Variants in PNPLA2 observed in about 807,000 individuals in gnomAD.
PNPLA2 encodes the protein patatin-like phospholipase domain-containing protein 2.
A neutral mutation model predicts 39.7 loss-of-function variants in PNPLA2; 28 were observed. That is an observed-to-expected ratio of 0.70 (90% CI 0.52 to 0.97). The LOEUF is 0.97. Among genes scored for constraint, PNPLA2 ranks in the 50% least tolerant of loss-of-function variants. PNPLA2 has a pLI of 0.00. For synonymous variants in PNPLA2, 392 were observed against 321.1 expected (o/e 1.22, Z -2.36); for missense variants, 768 against 698.2 (o/e 1.10, Z -1.13).
At chr11:820,215 G>A (rs923876570) in intron 2 of PNPLA2, among the ~76,000 whole-genome samples, 3 of 152,254 alleles carry the variant, frequency 2.0e-5, no homozygotes, top group Admixed American at 1.3e-4. Flanking sequence ...GTGAGAATCC[G>A]AGGAGGGACC....
Position 821,654 on chromosome 11 carries a change from G to A in PNPLA2, c.214G>A (p.Val72Ile), listed in dbSNP as rs749694763. The change falls in exon 3 of 10, where the codon GTA becomes ATA. Residue 72 changes from valine (V) to isoleucine (I), a missense_variant. Val to Ile is a conservative substitution (Grantham distance 29). Transcript: ENST00000336615. The stretch of plus-strand genomic sequence containing the variant: ...TGAGGCTGGTGCCAAGTTCATTGAG[G>A]TATCTAAAGAGGCCCGGAAGCGGTT... The part of the protein sequence containing the change: ...LGEAGAKFIE[V>I]SKEARKRFLG... 5.6e-6 allele frequency: 9 copies of A among 1,613,792 alleles called. No individual in the cohort carries two copies. Among genetic ancestry groups the A allele is most frequent in the Admixed American group, 1.7e-5 (1 of 60,028 alleles).
In PNPLA2 at chr11:823,873, G is replaced by GGGAGGGGA. The variant is rs1565089205; in HGVS notation, c.919+29_919+36dup. 1.3e-6 allele frequency: 2 copies of GGGAGGGGA among 1,571,374 alleles called. No homozygotes were observed. The highest frequency in any genetic ancestry group is 2.3e-5 in the East Asian group (1 of 42,810). On this transcript the variant is annotated intron_variant, in intron 7 of 9. Transcript: ENST00000336615. ...CAATGAGGGTGCGCACCTGGGGGAC[G>GGGAGGGGA]GGAGGGGAGGAGGGGAGGCAGGAGG...
At chr11:819,936 G>A (rs1554975345) in intron 2 of PNPLA2, 31 bp downstream of exon 2, 1 of 1,322,586 alleles carries the variant, frequency 7.6e-7, no homozygotes, top group Admixed American at 4.1e-5. Flanking sequence ...CAGGCGGGGG[G>A]CTGGCGGGAA....
In PNPLA2 at chr11:824,760, C is replaced by G. The variant is rs540018341; in HGVS notation, c.1413C>G (p.Pro471=). 2.6e-6 allele frequency: 4 copies of G among 1,557,824 alleles called. No individual in the cohort carries two copies. Among genetic ancestry groups the G allele is most frequent in the Non-Finnish European group, 3.5e-6 (4 of 1,158,978 alleles). The change falls in exon 10 of 10, where the codon CCC becomes CCG. Residue 471 remains proline, a synonymous_variant. Coordinates refer to ENST00000336615, the MANE Select transcript of PNPLA2 (RefSeq NM_020376.4). ...MRAPADPAPA[P]ADPASPQHQL... ...CACCCGCCGACCCGGCTCCCGCCCCCGCGGACCCAGCATCCCCGCAGCACC... is the reference window on the plus strand; with the variant it reads ...CACCCGCCGACCCGGCTCCCGCCCCGGCGGACCCAGCATCCCCGCAGCACC...
chr11:822,675 TC>T, intron 5 of PNPLA2, 69 bp downstream of exon 5: 1 of 1,301,894 alleles, frequency 7.7e-7, no homozygotes, highest in Non-Finnish European at 1.1e-6. Flanking sequence ...AGAACACTGA[TC>T]CTTTGACTTC....
chr11:819,622 C>G lies in PNPLA2; in HGVS notation c.-97C>G. ...ACCCCGAGCTAGAGCCGCAGCGGGA[C>G]CTGCCCGGCCCCCGGCTCCAGCGAG... On this transcript the variant is annotated 5_prime_UTR_variant, in exon 2 of 10. Coordinates refer to ENST00000336615, the MANE Select transcript of PNPLA2 (RefSeq NM_020376.4). The G allele has an allele frequency of 7.6e-7, 1 of 1,315,306 alleles. No homozygotes were observed. The highest frequency in any genetic ancestry group is 9.8e-7 in the Non-Finnish European group (1 of 1,016,482). 81.5% of individuals were successfully genotyped at this position (1,315,306 alleles called of 1,614,324 possible). A position where few individuals can be genotyped will look rare whatever the true frequency, so the allele number is the denominator to read the frequency against.
chr11:819,959 C>T, intron 2 of PNPLA2, 54 bp downstream of exon 2: 5 of 1,255,692 alleles, frequency 4.0e-6, no homozygotes, highest in Non-Finnish European at 5.1e-6. Context: ...CCGTGCGGGG[C>T]CGGGGGATGG....
Position 825,127 on chromosome 11 carries a change from C to T in PNPLA2, c.*265C>T. ...TACTCCTGAGAACTTTGCAGCTGCC[C>T]TTCCCTCCCCGTTTTTCATGGCCTG... On this transcript the variant is annotated 3_prime_UTR_variant, in exon 10 of 10. Coordinates refer to ENST00000336615, the MANE Select transcript of PNPLA2 (RefSeq NM_020376.4). 1.8e-6 allele frequency: 1 copy of T among 562,742 alleles called. No individual in the cohort carries two copies. The highest frequency in any genetic ancestry group is 3.1e-6 in the Non-Finnish European group (1 of 318,510). 34.9% of individuals were successfully genotyped at this position (562,742 alleles called of 1,614,324 possible).
Position 819,464 on chromosome 11 carries a change from T to G in PNPLA2, c.-145-110T>G, listed in dbSNP as rs7928917. The G allele has an allele frequency of 0.53, 633,372 of 1,189,408 alleles. 174,878 individuals are homozygous for G. Among genetic ancestry groups the G allele is most frequent in the Admixed American group, 0.59 (12,941 of 21,848 alleles). 73.7% of individuals were successfully genotyped at this position (1,189,408 alleles called of 1,614,324 possible). On this transcript the variant is annotated intron_variant, in intron 1 of 9. Coordinates refer to ENST00000336615, the MANE Select transcript of PNPLA2 (RefSeq NM_020376.4). ...GGGCCGGGTCAAGGACGGGGGCGGG[T>G]CCCGAGGGCACGGCCGTTCCCTGCG...
In PNPLA2 at chr11:824,295, C is replaced by T; in HGVS notation, c.1053-19C>T. 1 of 1,550,156 alleles carries T rather than the reference C, an allele frequency of 6.5e-7. No individual in the cohort carries two copies. Among genetic ancestry groups the T allele is most frequent in the Non-Finnish European group, 8.7e-7 (1 of 1,147,454 alleles). ...GGGTCTGGCCAAGTCCCTGAACGCG[C>T]CGCTCGCCCTGTCCCCAGCTTGCTG... On this transcript the variant is annotated intron_variant, in intron 8 of 9. Coordinates refer to ENST00000336615, the MANE Select transcript of PNPLA2 (RefSeq NM_020376.4).
chr11:824,286 CT>C lies in PNPLA2; in HGVS notation c.1053-27del, dbSNP rs942517879. 1.9e-6 allele frequency: 3 copies of C among 1,549,710 alleles called. No homozygotes were observed. In the African/African-American group the frequency reaches 4.1e-5, roughly 21 times the overall value. Reference sequence around the variant, plus strand: ...TGGGCATGTGGGTCTGGCCAAGTCCCTGAACGCGCCGCTCGCCCTGTCCCCA... The same window carrying C: ...TGGGCATGTGGGTCTGGCCAAGTCCCGAACGCGCCGCTCGCCCTGTCCCCA... On this transcript the variant is annotated intron_variant, in intron 8 of 9. Transcript: ENST00000336615.
chr11:820,822 C>G (rs1845643396), intron 2 of PNPLA2: 1 of 152,328 alleles, frequency 6.6e-6, no homozygotes, highest in Non-Finnish European at 1.5e-5. Context: ...CTCATGGAGG[C>G]CTTCAGACAA....
At chr11:820,844 G>A (rs1845644139) in intron 2 of PNPLA2, 1 of 152,178 alleles carries the variant, frequency 6.6e-6, no homozygotes, top group South Asian at 2.1e-4. Context: ...CGCCTCAGTC[G>A]GCCCCCTGGC....
Position 822,078 on chromosome 11 carries a change from C to T in PNPLA2, c.486+55C>T, listed in dbSNP as rs1036292870. The T allele has an allele frequency of 4.6e-6, 7 of 1,526,674 alleles. No homozygotes were observed. In the South Asian group the frequency reaches 6.7e-5, roughly 15 times the overall value. 94.6% of individuals were successfully genotyped at this position (1,526,674 alleles called of 1,614,324 possible). ...ATGGGGTGGGCCGTGGGATGAGGGA[C>T]AGAGGAGGAGGCCGCCTAGAGCCAT... On this transcript the variant is annotated intron_variant, in intron 4 of 9. Transcript: ENST00000336615.
Position 822,032 on chromosome 11 carries a change from T to G in PNPLA2, c.486+9T>G, listed in dbSNP as rs774288999. The G allele has an allele frequency of 1.2e-6, 2 of 1,612,770 alleles. No individual in the cohort carries two copies. Among genetic ancestry groups the G allele is most frequent in the Admixed American group, 3.3e-5 (2 of 60,018 alleles). On this transcript the variant is annotated intron_variant, in intron 4 of 9. Coordinates refer to ENST00000336615, the MANE Select transcript of PNPLA2 (RefSeq NM_020376.4). Reference sequence around the variant, plus strand: ...CCTCCCTCCAGGGGGTGGTGAGTATTCCTAGCCCTGGACACCTTCTATGGG... The same window carrying G: ...CCTCCCTCCAGGGGGTGGTGAGTATGCCTAGCCCTGGACACCTTCTATGGG...
In PNPLA2 at chr11:824,624, A is replaced by G. The variant is rs140634178; in HGVS notation, c.1277A>G (p.Asn426Ser). 1.9e-3 allele frequency: 3,054 copies of G among 1,595,158 alleles called. 6 individuals carry two copies. The highest frequency in any genetic ancestry group is 2.3e-3 in the Non-Finnish European group (2,760 of 1,175,982). The stretch of plus-strand genomic sequence containing the variant: ...GCACTGCCCGGCTGGATGCGCAACA[A>G]CCTCTCGCTGGGGGACGCGCTGGCC... ...REALPGWMRN[N>S]LSLGDALAKW... The change falls in exon 10 of 10, where the codon AAC becomes AGC. Residue 426 changes from asparagine (N) to serine (S), a missense_variant. Physicochemically the swap from Asn to Ser is conservative, Grantham distance 46. Transcript: ENST00000336615.
rs2133853299 is a variant in PNPLA2 at position 825,075 on chromosome 11, G to C, written c.*213G>C. 1.7e-5 allele frequency: 10 copies of C among 598,744 alleles called. No homozygotes were observed. In the South Asian group the frequency reaches 1.9e-4, roughly 12 times the overall value. The allele number at this position is 598,744 out of a possible 1,614,324, so 37.1% of individuals were successfully genotyped here. On this transcript the variant is annotated 3_prime_UTR_variant, in exon 10 of 10. Transcript: ENST00000336615. The stretch of plus-strand genomic sequence containing the variant: ...TGTGCCTTAATCTTCCCTCCCCTGT[G>C]CTGCCCGAGCACCTCCCCCGCCCCT...
intron 1 of PNPLA2, 114 bp from the exon 2 acceptor site, chr11:819,460 C>CG: frequency 1.7e-6 from 2 of 1,177,162 alleles, no homozygotes; most frequent in Non-Finnish European, 1.1e-6. Context: ...AGGACGGGGG[C>CG]GGGTCCCGAG....
At chr11:820,537 A>G (rs990540842) in intron 2 of PNPLA2, among the ~76,000 whole-genome samples, 3 of 152,194 alleles carry the variant, frequency 2.0e-5, no homozygotes, top group Non-Finnish European at 2.9e-5. Flanking sequence ...TGCCTGGGTC[A>G]GGAGTGGATG....
Sources: allele counts gnomAD v4.1 joint callset (sites outside exome capture counted in the v4.1 genomes callset), GRCh38; gene constraint gnomAD v4.1.1; transcripts MANE v1.5; gene names NCBI Gene and HGNC (gene_info 2026-07-23, HGNC 2026-07-21).